Variants in FRMPD1 observed in about 807,000 individuals in gnomAD.
FRMPD1 encodes the protein FERM and PDZ domain containing 1, also known as FERM and PDZ domain-containing protein 1.
In FRMPD1, 76 loss-of-function variants were observed where a neutral mutation model predicts 117.8. The observed-to-expected ratio is 0.65, with a 90% CI of 0.54 to 0.78. The LOEUF is 0.78. FRMPD1 is among the 30% of genes least tolerant of loss of function. FRMPD1 has a pLI of 0.00. For synonymous variants in FRMPD1, 783 were observed against 770.4 expected (o/e 1.02, Z -0.27); for missense variants, 1,786 against 1,964.5 (o/e 0.91, Z 1.72).
At chr9:37,617,806 ACCTT>A in the FRMPD1 span, among the ~76,000 whole-genome samples, 1 of 152,142 alleles carries the variant, frequency 6.6e-6, no homozygotes, top group African/African-American at 2.4e-5. Context: ...CCCCTGTTGT[ACCTT>A]CCTTCCTACT....
chr9:37,716,116 A>AT (rs1659411898), intron 5 of FRMPD1, among the ~76,000 whole-genome samples: 1 of 152,190 alleles, frequency 6.6e-6, no homozygotes. Context: ...GCTGAGTACC[A>AT]TGGGGAGTGG....
intron 6 of FRMPD1, among the ~76,000 whole-genome samples, chr9:37,720,436 G>T (rs1037701320): frequency 6.6e-6 from 1 of 151,958 alleles, no homozygotes. Context: ...AGGCCGAGGC[G>T]GGCAGATCAC....
At chr9:37,686,107 G>A (rs974976485) in intron 1 of FRMPD1, among the ~76,000 whole-genome samples, 11 of 152,198 alleles carry the variant, frequency 7.2e-5, no homozygotes, top group Non-Finnish European at 1.5e-4. Context: ...TGCCTTTTAA[G>A]ATATTTTTCC....
At chr9:37,711,266 C>A in intron 4 of FRMPD1, 84 bp from the exon 5 acceptor site, 1 of 886,044 alleles carries the variant, frequency 1.1e-6, no homozygotes, top group Non-Finnish European at 1.9e-6. Context: ...GACCCTAACA[C>A]ACATGCTCAC....
At chr9:37,657,713 G>A (rs1341613763) in intron 1 of FRMPD1, among the ~76,000 whole-genome samples, 1 of 152,230 alleles carries the variant, frequency 6.6e-6, no homozygotes, top group Non-Finnish European at 1.5e-5. Flanking sequence ...GTGTCTTAGT[G>A]AGAGTGTGCC....
chr9:37,740,403 C>T lies in FRMPD1; in HGVS notation c.1875C>T (p.Ser625=). ...TAGACACCTGCTCCTCCAGCAGGTC[C>T]ACCTTCTTCCACTTTGGCTCGCCAG... ...DDLDTCSSSR[S]TFFHFGSPGL... is the part of the protein sequence containing the mutation. The change falls in exon 15 of 16, where the codon TCC becomes TCT. Residue 625 remains serine, a synonymous_variant. Coordinates refer to ENST00000377765, the MANE Select transcript of FRMPD1 (RefSeq NM_014907.3). This position sits in a 1 kb window ranked among gnomAD's most constrained non-coding sequence, Gnocchi z 4.2. 5 of 1,613,932 alleles carry T rather than the reference C, an allele frequency of 3.1e-6. No individual in the cohort carries two copies. The highest frequency in any genetic ancestry group is 4.2e-6 in the Non-Finnish European group (5 of 1,179,854).
At chr9:37,629,404 C>G in the FRMPD1 span, among the ~76,000 whole-genome samples, 1 of 152,204 alleles carries the variant, frequency 6.6e-6, no homozygotes, top group African/African-American at 2.4e-5. Context: ...CTGGAGGCCA[C>G]TCATTCACAG....
At chr9:37,636,939 C>T in the FRMPD1 span, 1 of 1,606,776 alleles carries the variant, frequency 6.2e-7, no homozygotes, top group Non-Finnish European at 8.5e-7. Flanking sequence ...TTGTTGCCCA[C>T]CAGGAGCTTA....
intron 5 of FRMPD1, among the ~76,000 whole-genome samples, chr9:37,713,153 TATCTC>T (rs1822973926): frequency 6.6e-6 from 1 of 152,174 alleles, no homozygotes; most frequent in Admixed American, 6.5e-5. Context: ...AAGTGAGACT[TATCTC>T]AAGAAAACCT....
chr9:37,692,202 A>C (rs1225012041), intron 1 of FRMPD1, among the ~76,000 whole-genome samples: 1 of 152,216 alleles, frequency 6.6e-6, no homozygotes, highest in Non-Finnish European at 1.5e-5. Flanking sequence ...CAGCGCTCAG[A>C]GGAATCTGCA....
chr9:37,606,715 T>C, the FRMPD1 span, among the ~76,000 whole-genome samples: 90 of 152,248 alleles, frequency 5.9e-4, no homozygotes, highest in Middle Eastern at 0.014. Flanking sequence ...AGATACAGGA[T>C]AGAAATTTAT....
the FRMPD1 span, among the ~76,000 whole-genome samples, chr9:37,637,975 T>G: frequency 0.052 from 5,040 of 97,206 alleles, 830 homozygotes; most frequent in Middle Eastern, 0.13. Context: ...TTTCTTTCTT[T>G]CTTTCTTTCT....
chr9:37,721,022 G>C (rs1823377853), intron 6 of FRMPD1, among the ~76,000 whole-genome samples: 1 of 152,232 alleles, frequency 6.6e-6, no homozygotes, highest in African/African-American at 2.4e-5. Flanking sequence ...AGGGTCACCT[G>C]GTTGATTTGT....
intron 1 of FRMPD1, among the ~76,000 whole-genome samples, chr9:37,691,502 A>T (rs959894586): frequency 6.6e-6 from 1 of 152,260 alleles, no homozygotes; most frequent in African/African-American, 2.4e-5. Flanking sequence ...TAAAATAATT[A>T]TGTAAGATGT....
At chr9:37,695,050 T>C (rs1035929567) in intron 2 of FRMPD1, among the ~76,000 whole-genome samples, 2 of 148,710 alleles carry the variant, frequency 1.3e-5, no homozygotes, top group African/African-American at 5.1e-5. Flanking sequence ...TAGATAGATA[T>C]GTCTGTGATG....
intron 3 of FRMPD1, 87 bp downstream of exon 3, chr9:37,707,660 A>C: frequency 9.3e-7 from 1 of 1,080,884 alleles, no homozygotes. Context: ...ATCCTATAAC[A>C]AAATGCAGAA....
chr9:37,724,377 C>A (rs940290593), intron 7 of FRMPD1, 57 bp downstream of exon 7: 4 of 912,392 alleles, frequency 4.4e-6, no homozygotes, highest in Non-Finnish European at 5.4e-6. Context: ...GCTGCTAGGA[C>A]CCCCCAGGCA....
At chr9:37,736,895 A>G (rs986570161) in intron 13 of FRMPD1, among the ~76,000 whole-genome samples, 4 of 151,772 alleles carry the variant, frequency 2.6e-5, no homozygotes, top group Admixed American at 2.6e-4. Flanking sequence ...GCGCACACAC[A>G]CACGCGATGG....
chr9:37,620,718 T>G, the FRMPD1 span, among the ~76,000 whole-genome samples: 2 of 148,908 alleles, frequency 1.3e-5, no homozygotes, highest in African/African-American at 4.9e-5. Context: ...TATAGCACAG[T>G]TTTTTTTTTA....
Sources: gnomAD v4.1 joint callset for allele counts (sites outside exome capture counted in the v4.1 genomes callset) on GRCh38, gnomAD v4.1.1 for gene constraint, Gnocchi (gnomAD v3.1) non-coding constraint, MANE v1.5 for transcripts, NCBI Gene and HGNC (gene_info 2026-07-23, HGNC 2026-07-21) for gene names.